PCLO: variants seen among roughly 807,000 people sequenced by gnomAD.
The protein encoded by PCLO is protein piccolo.
In PCLO, 82 loss-of-function variants were observed where a neutral mutation model predicts 427.5. The ratio of observed to expected loss-of-function variants is 0.19; its 90% CI spans 0.16 to 0.23. The LOEUF (loss-of-function observed/expected upper bound fraction) is 0.23, where lower values mean the gene tolerates loss of function less well. PCLO is among the 10% of genes least tolerant of loss of function. PCLO has a pLI of 1.00. For synonymous variants in PCLO, 2,357 were observed against 2,155.4 expected, an observed-to-expected ratio of 1.09 and a Z score of -2.59; for missense variants, 6,239 against 6,115.9, an observed-to-expected ratio of 1.02 and a Z score of -0.67.
rs1791649856 is a variant in PCLO, at chr7:83,134,233, A to G, written c.3300+17T>C. 1 of 753,210 alleles carries G rather than the reference A, an allele frequency of 1.3e-6. No individual in the cohort carries two copies. The highest frequency in any genetic ancestry group is 1.9e-6 in the Non-Finnish European group (1 of 521,356). The allele number at this position is 753,210 out of a possible 1,614,324, so 46.7% of individuals were successfully genotyped here. A position where few individuals can be genotyped will look rare whatever the true frequency, so the allele number is the denominator to read the frequency against. ...CTCCATATGTAATATATATATATAT[A>G]TATATATATAACTTACCTCAGTCAA... On this transcript the variant is annotated intron_variant, in intron 3 of 24. Transcript: ENST00000333891.
rs1462213567 is a variant in PCLO at position 82,755,646 on chromosome 7, A to G, written c.*2929T>C. On this transcript the variant is annotated 3_prime_UTR_variant, in exon 25 of 25. Coordinates refer to ENST00000333891, the MANE Select transcript of PCLO (RefSeq NM_033026.6). ...TTATATAGAGATTACAAACTCTGTC[A>G]GTATTAGAATAAAAAAAAGTTAATT... 28 of 152,142 alleles carry G rather than the reference A, an allele frequency of 1.8e-4. No homozygotes were observed. Among genetic ancestry groups the G allele is most frequent in the Non-Finnish European group, 7.4e-5 (5 of 68,022 alleles). The allele number at this position is 152,142 out of a possible 1,614,324, so 9.4% of individuals were successfully genotyped here.
intron 3 of PCLO, among the ~76,000 whole-genome samples, chr7:83,059,212 C>T (rs1417843931): frequency 6.7e-6 from 1 of 149,414 alleles, no homozygotes; most frequent in Non-Finnish European, 1.5e-5. Flanking sequence ...ATTTTCTTAG[C>T]ACTTGTGGAA....
rs79907675 is a variant in PCLO, at chr7:82,972,303, T to A, written c.3301-5816A>T. Among the ~76,000 whole-genome samples, 95 of 152,180 alleles carry A rather than the reference T, an allele frequency of 6.2e-4. 2 individuals are homozygous for A. In the East Asian group the frequency reaches 0.017, roughly 28 times the overall value. On this transcript the variant is annotated intron_variant, in intron 3 of 24. Coordinates refer to ENST00000333891, the MANE Select transcript of PCLO (RefSeq NM_033026.6). ...AGGCAATAAAAACCCAGAGAAGGGA[T>A]GCTACTGTGCCACTCAGCATTTTTC...
chr7:82,879,889 A>T, intron 9 of PCLO: 1 of 439,934 alleles, frequency 2.3e-6, no homozygotes, highest in South Asian at 1.7e-5. Context: ...ATACAATTGT[A>T]ATTTATAAAG....
chr7:82,964,410 G>A (rs1795719645), intron 4 of PCLO, among the ~76,000 whole-genome samples: 1 of 152,028 alleles, frequency 6.6e-6, no homozygotes. Context: ...TACTGACTAG[G>A]TACTTGAAAA....
intron 3 of PCLO, among the ~76,000 whole-genome samples, chr7:83,050,621 A>G (rs1470397483): frequency 6.6e-6 from 1 of 152,028 alleles, no homozygotes; most frequent in African/African-American, 2.4e-5. Flanking sequence ...CTAGGTATGC[A>G]AAGCTGGGTT....
intron 3 of PCLO, among the ~76,000 whole-genome samples, chr7:83,025,165 G>T (rs1333942724): frequency 1.3e-5 from 2 of 152,146 alleles, no homozygotes; most frequent in Non-Finnish European, 2.9e-5. Flanking sequence ...TGAGCTACGG[G>T]AGGATATTCA....
At chr7:83,117,338 T>A (rs976476848) in intron 3 of PCLO, among the ~76,000 whole-genome samples, 1 of 152,180 alleles carries the variant, frequency 6.6e-6, no homozygotes, top group Non-Finnish European at 1.5e-5. Context: ...TGGCTGAAAT[T>A]TGCCTCAGTG....
Position 82,950,915 on chromosome 7 carries a change from T to C in PCLO, c.9673A>G (p.Lys3225Glu). 1.2e-6 allele frequency: 2 copies of C among 1,613,492 alleles called. No individual in the cohort carries two copies. The highest frequency in any genetic ancestry group is 1.7e-6 in the Non-Finnish European group (2 of 1,179,868). The change falls in exon 6 of 25, where the codon AAA becomes GAA. Residue 3225 changes from lysine (K) to glutamate (E), a missense_variant. Physicochemically the swap from Lys to Glu is moderately conservative, Grantham distance 56. This residue lies in a region of PCLO where 4,677 missense variants were observed against 4,468.4 expected (regional missense o/e 1.05). Transcript: ENST00000333891. ...DLERELLELE[K>E]IKQQRFAEEL... The stretch of plus-strand genomic sequence containing the variant: ...TCAGCAAAGCGCTGTTGCTTAATTT[T>C]CTCCAGTTCCAGGAGCTCACGCTCC...
At chr7:83,110,231 T>C (rs1253479859) in intron 3 of PCLO, among the ~76,000 whole-genome samples, 1 of 151,964 alleles carries the variant, frequency 6.6e-6, no homozygotes, top group African/African-American at 2.4e-5. Flanking sequence ...GCAGCTTTCA[T>C]CTACAGAATA....
chr7:83,081,647 G>T (rs1177665493), intron 3 of PCLO, among the ~76,000 whole-genome samples: 1 of 151,604 alleles, frequency 6.6e-6, no homozygotes, highest in Non-Finnish European at 1.5e-5. Flanking sequence ...TTTTCCTATG[G>T]TACTGTATCT....
At chr7:82,975,249 G>C (rs1463374238) in intron 3 of PCLO, among the ~76,000 whole-genome samples, 1 of 151,920 alleles carries the variant, frequency 6.6e-6, no homozygotes, top group Non-Finnish European at 1.5e-5. Flanking sequence ...TTCATTATAG[G>C]GAAATTTTAT....
intron 3 of PCLO, among the ~76,000 whole-genome samples, chr7:83,119,990 CA>C (rs1791234455): frequency 6.6e-6 from 1 of 151,582 alleles, no homozygotes; most frequent in Non-Finnish European, 1.5e-5. Context: ...AATACAGTTA[CA>C]GGAGAAAAAA....
At position 83,098,805 on chromosome 7, in the gene PCLO, G is replaced by A. The variant is rs146253480; in HGVS notation, c.3300+35445C>T. 7.9e-3 allele frequency among the ~76,000 whole-genome samples: 1,197 copies of A among 152,170 alleles called. 4 individuals are homozygous for A. The highest frequency in any genetic ancestry group is 0.012 in the Admixed American group (179 of 15,270). On this transcript the variant is annotated intron_variant, in intron 3 of 24. Transcript: ENST00000333891. ...AATCTTCCTTTGTTGCTGACTTGGT[G>A]TTATACTATGTCTCTTGACTCACAG...
At chr7:83,020,090 A>C (rs1455608063) in intron 3 of PCLO, among the ~76,000 whole-genome samples, 1 of 152,128 alleles carries the variant, frequency 6.6e-6, no homozygotes, top group Admixed American at 6.6e-5. Context: ...CTTAACTTAG[A>C]TGGAAAGCAT....
chr7:82,945,249 G>C (rs1027576050), intron 6 of PCLO, among the ~76,000 whole-genome samples: 6 of 152,054 alleles, frequency 3.9e-5, no homozygotes, highest in African/African-American at 1.4e-4. Context: ...GTCCGGTTAC[G>C]TAAATGTCAA....
At chr7:82,815,478 A>G (rs1051042365) in intron 20 of PCLO, among the ~76,000 whole-genome samples, 4 of 152,122 alleles carry the variant, frequency 2.6e-5, no homozygotes, top group Non-Finnish European at 5.9e-5. Flanking sequence ...TATGTTTTCT[A>G]TATTTCTCTA....
chr7:83,035,626 T>A (rs2116171127), intron 3 of PCLO, among the ~76,000 whole-genome samples: 1 of 152,226 alleles, frequency 6.6e-6, no homozygotes, highest in African/African-American at 2.4e-5. Flanking sequence ...TAAAATCCAG[T>A]CTTGATCTTA....
At chr7:82,938,166 A>G (rs1258286008) in intron 6 of PCLO, among the ~76,000 whole-genome samples, 1 of 151,946 alleles carries the variant, frequency 6.6e-6, no homozygotes, top group Non-Finnish European at 1.5e-5. Context: ...ACAAAACATC[A>G]GTAAGAAATA....
Sources: allele counts gnomAD v4.1 joint callset (sites outside exome capture counted in the v4.1 genomes callset), GRCh38; gene constraint gnomAD v4.1.1; regional missense constraint gnomAD v4.1.1; transcripts MANE v1.5; gene names NCBI Gene and HGNC (gene_info 2026-07-23, HGNC 2026-07-21).